ITGBL1: variants seen among roughly 807,000 people sequenced by gnomAD.
ITGBL1 encodes the protein integrin beta-like protein 1.
In ITGBL1, 51 loss-of-function variants were observed where a neutral mutation model predicts 68.5. The observed-to-expected ratio is 0.74, with a 90% confidence interval of 0.59 to 0.94. The LOEUF is 0.94. ITGBL1 is among the 40% of genes least tolerant of loss of function. The pLI, the probability that ITGBL1 is intolerant of heterozygous loss-of-function variation, is 0.00. For missense variants in ITGBL1, 649 were observed against 647.4 expected, an observed-to-expected ratio of 1.00 and a Z score of -0.03; for synonymous variants, 209 against 227.3, an observed-to-expected ratio of 0.92 and a Z score of 0.72.
At chr13:101,486,380 T>C (rs7990603) in intron 2 of ITGBL1, among the ~76,000 whole-genome samples, 80,915 of 151,966 alleles carry the variant, frequency 0.53, 22,385 homozygotes, top group Non-Finnish European at 0.6. Flanking sequence ...AGACTACCCA[T>C]TGGGTACAGT....
At chr13:101,679,133 C>T (rs988754072) in intron 7 of ITGBL1, among the ~76,000 whole-genome samples, 7 of 152,032 alleles carry the variant, frequency 4.6e-5, no homozygotes, top group Non-Finnish European at 1.0e-4. Context: ...GTCTCCATCT[C>T]CTGACCTCGT....
intron 2 of ITGBL1, among the ~76,000 whole-genome samples, chr13:101,529,029 A>AT (rs999151631): frequency 1.3e-5 from 2 of 152,082 alleles, no homozygotes; most frequent in African/African-American, 2.4e-5. Context: ...ATTAGGCACT[A>AT]TACCATAGGG....
At chr13:101,680,523 C>T (rs1218368537) in intron 7 of ITGBL1, among the ~76,000 whole-genome samples, 1 of 147,928 alleles carries the variant, frequency 6.8e-6, no homozygotes. Context: ...CATTCTGGGT[C>T]GGGAATACAC....
intron 7 of ITGBL1, among the ~76,000 whole-genome samples, chr13:101,598,705 A>G (rs2094168): frequency 0.99 from 151,304 of 152,174 alleles, 75,222 homozygotes; most frequent in Middle Eastern, 1. Flanking sequence ...TTGTCCTTGC[A>G]ATAGTTTGCT....
intron 7 of ITGBL1, among the ~76,000 whole-genome samples, chr13:101,685,410 T>C (rs1259076244): frequency 6.6e-6 from 1 of 152,106 alleles, no homozygotes; most frequent in Non-Finnish European, 1.5e-5. Flanking sequence ...GCCAAAATGT[T>C]TTATTCCTTT....
intron 2 of ITGBL1, among the ~76,000 whole-genome samples, chr13:101,524,272 TC>T (rs879383453): frequency 2.6e-5 from 4 of 152,084 alleles, no homozygotes; most frequent in Non-Finnish European, 4.4e-5. Flanking sequence ...ACAATGCCAC[TC>T]ATGATATGCT....
intron 7 of ITGBL1, among the ~76,000 whole-genome samples, chr13:101,668,903 T>C (rs931299386): frequency 2.0e-5 from 3 of 152,150 alleles, no homozygotes; most frequent in Non-Finnish European, 2.9e-5. Context: ...TTATATCATG[T>C]TTCACATTAA....
chr13:101,668,959 G>A (rs1248317226), intron 7 of ITGBL1, among the ~76,000 whole-genome samples: 1 of 152,110 alleles, frequency 6.6e-6, no homozygotes, highest in African/African-American at 2.4e-5. Context: ...GTTGTAAGAT[G>A]TATATTCATA....
chr13:101,585,246 G>A (rs1369376284), intron 6 of ITGBL1, among the ~76,000 whole-genome samples: 1 of 152,148 alleles, frequency 6.6e-6, no homozygotes. Context: ...GAATATGGAA[G>A]GAAGCTGTCA....
At chr13:101,616,811 G>C (rs58393947) in intron 7 of ITGBL1, among the ~76,000 whole-genome samples, 86,467 of 152,040 alleles carry the variant, frequency 0.57, 26,163 homozygotes, top group Middle Eastern at 0.69. Flanking sequence ...TTTCTGAGAG[G>C]TACTCTCTGA....
chr13:101,469,934 G>A (rs1018492773), intron 2 of ITGBL1, among the ~76,000 whole-genome samples: 2 of 152,170 alleles, frequency 1.3e-5, no homozygotes, highest in African/African-American at 4.8e-5. Context: ...CGCTATTGTT[G>A]CTGCCTGTGT....
At chr13:101,648,095 T>C (rs764400702) in intron 7 of ITGBL1, among the ~76,000 whole-genome samples, 6 of 152,172 alleles carry the variant, frequency 3.9e-5, no homozygotes, top group African/African-American at 1.4e-4. Flanking sequence ...CTACCCCTAA[T>C]TTTGATGACT....
intron 7 of ITGBL1, among the ~76,000 whole-genome samples, chr13:101,656,725 G>A (rs1376637942): frequency 6.6e-6 from 1 of 152,100 alleles, no homozygotes; most frequent in African/African-American, 2.4e-5. Context: ...TTCATTTATA[G>A]ATAACTAATC....
intron 3 of ITGBL1, among the ~76,000 whole-genome samples, chr13:101,569,121 C>T (rs981806679): frequency 4.6e-5 from 7 of 151,980 alleles, no homozygotes; most frequent in South Asian, 4.2e-4. Flanking sequence ...CACACACACA[C>T]GCGCACGCGC....
chr13:101,521,025 GAAATA>G (rs1317205790), intron 2 of ITGBL1, among the ~76,000 whole-genome samples: 1 of 152,098 alleles, frequency 6.6e-6, no homozygotes, highest in Non-Finnish European at 1.5e-5. Flanking sequence ...GATTTTGACA[GAAATA>G]AAATAATAAA....
chr13:101,520,305 G>A (rs12586014), intron 2 of ITGBL1, among the ~76,000 whole-genome samples: 11 of 152,046 alleles, frequency 7.2e-5, no homozygotes, highest in African/African-American at 2.4e-4. Context: ...CAAAACTCCA[G>A]ATGAAATTAT....
chr13:101,610,180 C>A (rs1270007796), intron 7 of ITGBL1, among the ~76,000 whole-genome samples: 1 of 152,052 alleles, frequency 6.6e-6, no homozygotes, highest in Non-Finnish European at 1.5e-5. Context: ...TAGTGGAGAG[C>A]TTTAGCAGTT....
At chr13:101,478,569 A>G (rs1467243885) in intron 2 of ITGBL1, among the ~76,000 whole-genome samples, 1 of 152,118 alleles carries the variant, frequency 6.6e-6, no homozygotes, top group East Asian at 1.9e-4. Flanking sequence ...ATATGATCTT[A>G]TGCTTAGAAA....
intron 2 of ITGBL1, among the ~76,000 whole-genome samples, chr13:101,515,338 T>C (rs1176138955): frequency 6.6e-6 from 1 of 152,084 alleles, no homozygotes; most frequent in Non-Finnish European, 1.5e-5. Context: ...CGGGTATTTT[T>C]TTTTTTAGCC....
Sources: allele counts gnomAD v4.1 joint callset (sites outside exome capture counted in the v4.1 genomes callset), GRCh38; gene constraint gnomAD v4.1.1; transcripts MANE v1.5; gene names NCBI Gene and HGNC (gene_info 2026-07-23, HGNC 2026-07-21).